Variants in GRAMD1B observed in about 807,000 individuals in gnomAD.
GRAMD1B encodes protein Aster-B.
GRAMD1B carries 37 observed loss-of-function variants against 99.7 expected under a neutral mutation model. The ratio of observed to expected loss-of-function variants is 0.37; its 90% CI spans 0.29 to 0.49. The LOEUF is 0.49. Ranked by LOEUF, GRAMD1B falls within the 20% of genes least tolerant of loss-of-function variation. The pLI is 0.98. For synonymous variants in GRAMD1B, 427 were observed against 387.6 expected (o/e 1.10, Z -1.19); for missense variants, 888 against 1,009.2 (o/e 0.88, Z 1.63).
At chr11:123,579,826 G>A (rs1358715213) in intron 3 of GRAMD1B, among the ~76,000 whole-genome samples, 1 of 152,184 alleles carries the variant, frequency 6.6e-6, no homozygotes, top group African/African-American at 2.4e-5. Flanking sequence ...CAGGACAGGC[G>A]TCAGGGACCA....
Position 123,600,499 on chromosome 11 carries a change from G to A in GRAMD1B, c.1001G>A (p.Arg334Lys). The stretch of plus-strand genomic sequence containing the variant: ...TTCACTTCGTTTGGGGCCCGGGATA[G>A]GACATATATGATGATGTTCCGGCTC... ...HFFTSFGARD[R>K]TYMMMFRLWQ... The change falls in exon 8 of 20, where the codon AGG becomes AAG. Residue 334 changes from arginine to lysine, a missense_variant. Physicochemically the swap from Arg to Lys is conservative, Grantham distance 26. Coordinates refer to ENST00000635736, the MANE Select transcript of GRAMD1B (RefSeq NM_001387025.1). 6.2e-7 allele frequency: 1 copy of A among 1,612,534 alleles called. No homozygotes were observed. Among genetic ancestry groups the A allele is most frequent in the Non-Finnish European group, 8.5e-7 (1 of 1,178,818 alleles).
At chr11:123,415,467 C>T (rs905808380) in intron 1 of GRAMD1B, among the ~76,000 whole-genome samples, 1 of 151,826 alleles carries the variant, frequency 6.6e-6, no homozygotes, top group African/African-American at 2.4e-5. Flanking sequence ...CTTGTGGTGA[C>T]ATTGCTATCT....
chr11:123,386,700 C>T (rs1947072534), intron 1 of GRAMD1B, among the ~76,000 whole-genome samples: 1 of 152,168 alleles, frequency 6.6e-6, no homozygotes, highest in South Asian at 2.1e-4. Context: ...CTGCCTGCCT[C>T]AGCCTCGCAA....
At position 123,606,200 on chromosome 11, in the gene GRAMD1B, G is replaced by A. The variant is rs148089105; in HGVS notation, c.1324-409G>A. On this transcript the variant is annotated intron_variant, in intron 10 of 19. Transcript: ENST00000635736. The stretch of plus-strand genomic sequence containing the variant: ...TCTTTAAAATGTAAAGAGTTGTATC[G>A]ATTCCCTTCCAGGGCTAATGAGAGA... Among the ~76,000 whole-genome samples the A allele has an allele frequency of 5.0e-4, 76 of 152,296 alleles. No homozygotes were observed. The East Asian group carries it at 8.3e-3, about 17-fold the overall frequency.
At chr11:123,576,396 T>G (rs1462391766) in intron 2 of GRAMD1B, among the ~76,000 whole-genome samples, 2 of 152,216 alleles carry the variant, frequency 1.3e-5, no homozygotes, top group Admixed American at 6.5e-5. Flanking sequence ...GCTGGCACTT[T>G]CTACTTAGCC....
At chr11:123,414,910 A>T (rs1203341354) in intron 1 of GRAMD1B, among the ~76,000 whole-genome samples, 1 of 152,062 alleles carries the variant, frequency 6.6e-6, no homozygotes, top group Non-Finnish European at 1.5e-5. Context: ...TCGCCACCCC[A>T]CAACATTGAC....
intron 2 of GRAMD1B, among the ~76,000 whole-genome samples, chr11:123,530,539 C>G (rs962701586): frequency 2.6e-5 from 4 of 152,188 alleles, no homozygotes; most frequent in African/African-American, 9.6e-5. Flanking sequence ...CGCCACCACA[C>G]CCAGCTAATT....
At chr11:123,440,513 GA>G (rs201372195) in intron 1 of GRAMD1B, among the ~76,000 whole-genome samples, 5 of 150,406 alleles carry the variant, frequency 3.3e-5, no homozygotes, top group African/African-American at 9.8e-5. Flanking sequence ...CGTCTCAAAA[GA>G]AAAAAAAAGT....
At chr11:123,436,070 G>C (rs1949148350) in intron 1 of GRAMD1B, among the ~76,000 whole-genome samples, 1 of 151,596 alleles carries the variant, frequency 6.6e-6, no homozygotes, top group South Asian at 2.1e-4. Context: ...AGCCTCCTGA[G>C]TAGCTGGGAT....
intron 1 of GRAMD1B, among the ~76,000 whole-genome samples, chr11:123,368,441 G>C (rs1471961297): frequency 6.6e-6 from 1 of 151,572 alleles, no homozygotes; most frequent in African/African-American, 2.4e-5. Flanking sequence ...AGCACTTTAG[G>C]AGGCTGAGAT....
chr11:123,370,930 G>A (rs1383205381), intron 1 of GRAMD1B, among the ~76,000 whole-genome samples: 7 of 152,064 alleles, frequency 4.6e-5, no homozygotes, highest in Non-Finnish European at 4.4e-5. Context: ...ATCACAAGGC[G>A]CTGAGCATGC....
At position 123,591,378 on chromosome 11, in the gene GRAMD1B, G is replaced by A. The variant is rs1950627174; in HGVS notation, c.685-2704G>A. 2.5e-6 allele frequency: 1 copy of A among 399,256 alleles called. No individual in the cohort carries two copies. The highest frequency in any genetic ancestry group is 4.4e-6 in the Non-Finnish European group (1 of 226,276). 24.7% of individuals were successfully genotyped at this position (399,256 alleles called of 1,614,324 possible). On this transcript the variant is annotated intron_variant, in intron 4 of 19. Transcript: ENST00000635736. The surrounding 1 kb of genome is among the most constrained non-coding windows in gnomAD (Gnocchi z 4.7). ...CAGGGAGCCAGGCGTCGTTGGGAGG[G>A]GCAGCCGTGCTGGGCAATGGAATCA...
At position 123,373,427 on chromosome 11, in the gene GRAMD1B, G is replaced by C. The variant is rs140611168; in HGVS notation, c.-176+14628G>C. ...AGAGGAGACTGAATCAGTGCTATTA[G>C]AACTCTGGCGTTCCCTTTCAGAAAA... On this transcript the variant is annotated intron_variant, in intron 1 of 20. Transcript: ENST00000638157. Among the ~76,000 whole-genome samples, 1,301 of 152,268 alleles carry C rather than the reference G, an allele frequency of 8.5e-3. 28 individuals are homozygous for C. The highest frequency in any genetic ancestry group is 0.03 in the African/African-American group (1,234 of 41,554).
At chr11:123,391,901 TAACA>T (rs2135859212) in intron 1 of GRAMD1B, among the ~76,000 whole-genome samples, 1 of 152,290 alleles carries the variant, frequency 6.6e-6, no homozygotes, top group Non-Finnish European at 1.5e-5. Flanking sequence ...GGGCCAGGGA[TAACA>T]AACAGAGGAG....
chr11:123,507,345 G>C (rs2135247279), intron 2 of GRAMD1B, among the ~76,000 whole-genome samples: 1 of 152,292 alleles, frequency 6.6e-6, no homozygotes, highest in Admixed American at 6.5e-5. Flanking sequence ...GGCTTTTCAA[G>C]TTTATTGTAT....
intron 1 of GRAMD1B, among the ~76,000 whole-genome samples, chr11:123,452,805 T>C (rs2134382605): frequency 6.6e-6 from 1 of 152,322 alleles, no homozygotes; most frequent in South Asian, 2.1e-4. Context: ...CCATGGCCTT[T>C]TGCTTCTCTT....
At chr11:123,407,496 G>A (rs1340929192) in intron 1 of GRAMD1B, among the ~76,000 whole-genome samples, 1 of 152,150 alleles carries the variant, frequency 6.6e-6, no homozygotes, top group East Asian at 1.9e-4. Context: ...CTTCCAGGGT[G>A]CTTAAATTGA....
chr11:123,480,684 A>G (rs1035641354), intron 1 of GRAMD1B, 132 bp from the exon 2 acceptor site: 1 of 394,284 alleles, frequency 2.5e-6, no homozygotes, highest in Non-Finnish European at 4.5e-6. Context: ...TCTATGCTAG[A>G]CTTACTTGGG....
intron 3 of GRAMD1B, among the ~76,000 whole-genome samples, chr11:123,579,512 CTG>C (rs1244275748): frequency 6.6e-6 from 1 of 152,216 alleles, no homozygotes; most frequent in East Asian, 1.9e-4. Context: ...CAGGAGATCT[CTG>C]TGGGCTCCAG....
Sources: gnomAD v4.1 joint callset for allele counts (sites outside exome capture counted in the v4.1 genomes callset) on GRCh38, gnomAD v4.1.1 for gene constraint, Gnocchi (gnomAD v3.1) non-coding constraint, MANE v1.5 for transcripts, NCBI Gene and HGNC (gene_info 2026-07-23, HGNC 2026-07-21) for gene names.